The following CTDP1 variants were observed in gnomAD, a reference collection of about 807,000 sequenced individuals.
The protein encoded by CTDP1 is RNA polymerase II subunit A C-terminal domain phosphatase.
In CTDP1, 47 loss-of-function variants were observed where a neutral mutation model predicts 91.8. The ratio of observed to expected loss-of-function variants is 0.51; its 90% CI spans 0.41 to 0.65. The LOEUF (loss-of-function observed/expected upper bound fraction) is 0.65, where lower values mean the gene tolerates loss of function less well. Ranked by LOEUF, CTDP1 falls within the 30% of genes least tolerant of loss-of-function variation. CTDP1 has a pLI of 0.00. For missense variants in CTDP1, 1,272 were observed against 1,373.7 expected (o/e 0.93, Z 1.17); for synonymous variants, 656 against 598.5 (o/e 1.10, Z -1.40).
chr18:79,712,180 C>T (rs2086098859), intron 6 of CTDP1, among the ~76,000 whole-genome samples: 1 of 152,164 alleles, frequency 6.6e-6, no homozygotes, highest in African/African-American at 2.4e-5. Context: ...ATGATAGGAT[C>T]GAATGGGGAC....
intron 12 of CTDP1, among the ~76,000 whole-genome samples, chr18:79,738,356 C>T (rs1377363425): frequency 6.6e-6 from 1 of 152,204 alleles, no homozygotes; most frequent in African/African-American, 2.4e-5. Context: ...CGAGGATTTG[C>T]CCTGAGAACT....
At chr18:79,741,550 G>T (rs576883015) in intron 12 of CTDP1, among the ~76,000 whole-genome samples, 1 of 152,320 alleles carries the variant, frequency 6.6e-6, no homozygotes, top group East Asian at 1.9e-4. Context: ...GGAGATTTTA[G>T]TCCTGGTGCC....
At chr18:79,750,257 C>A (rs2086969380) in intron 12 of CTDP1, among the ~76,000 whole-genome samples, 5 of 151,438 alleles carry the variant, frequency 3.3e-5, no homozygotes, top group Admixed American at 2.0e-4. Flanking sequence ...ATGGCCCAGG[C>A]TCACTGCAGC....
intron 11 of CTDP1, among the ~76,000 whole-genome samples, chr18:79,734,763 T>C (rs1420914801): frequency 6.6e-6 from 1 of 152,260 alleles, no homozygotes; most frequent in Non-Finnish European, 1.5e-5. Flanking sequence ...ATTATTCCCG[T>C]AGGAGATTTG....
At chr18:79,706,081 A>G (rs1406574313) in intron 5 of CTDP1, among the ~76,000 whole-genome samples, 5 of 152,112 alleles carry the variant, frequency 3.3e-5, no homozygotes, top group African/African-American at 1.2e-4. Context: ...GGGGCGTGGG[A>G]GGTGGTGAGG....
chr18:79,695,332 C>A, intron 2 of CTDP1, 24 bp downstream of exon 2: 1 of 1,608,086 alleles, frequency 6.2e-7, no homozygotes, highest in Non-Finnish European at 8.5e-7. Flanking sequence ...AGAGTGAGAT[C>A]GCTGCCTGCT....
chr18:79,684,601 C>G (rs975510248), intron 1 of CTDP1, among the ~76,000 whole-genome samples: 27 of 148,444 alleles, frequency 1.8e-4, no homozygotes, highest in African/African-American at 6.8e-4. Flanking sequence ...GGTCCGTGCC[C>G]TCGTTGCCTG....
chr18:79,707,291 G>A (rs571637967), intron 5 of CTDP1, among the ~76,000 whole-genome samples: 1 of 152,228 alleles, frequency 6.6e-6, no homozygotes, highest in African/African-American at 2.4e-5. Flanking sequence ...GATGAAGCAG[G>A]TGACGAGAAC....
intron 1 of CTDP1, among the ~76,000 whole-genome samples, chr18:79,684,929 C>T (rs931304055): frequency 5.5e-5 from 8 of 144,360 alleles, no homozygotes; most frequent in Admixed American, 1.4e-4. Context: ...GTGAGGAGGA[C>T]GGTGCAGGGA....
chr18:79,713,084 A>T lies in CTDP1; in HGVS notation c.976A>T (p.Thr326Ser), dbSNP rs1318772359. 6.2e-7 allele frequency: 1 copy of T among 1,614,176 alleles called. No individual in the cohort carries two copies. The change falls in exon 7 of 13, where the codon ACG (threonine) becomes TCG (serine). Residue 326 changes from threonine (T) to serine (S), a missense_variant. Coordinates refer to ENST00000613122, the MANE Select transcript of CTDP1 (RefSeq NM_004715.5). This position sits in a 1 kb window ranked among gnomAD's most constrained non-coding sequence, Gnocchi z 4.7. ...GAAGAAATATGTATACTTCCAGGGC[A>T]CGGGTGATATGAATGCGCCCCCTGG... ...TVKKYVYFQG[T>S]GDMNAPPGSR...
At chr18:79,726,871 G>GGA (rs1568206039) in intron 10 of CTDP1, among the ~76,000 whole-genome samples, 5 of 72,414 alleles carry the variant, frequency 6.9e-5, no homozygotes, top group Non-Finnish European at 1.2e-4. Flanking sequence ...TGCTGTGGGG[G>GGA]TGGGGTGACG....
At chr18:79,726,346 A>T (rs1026192190) in intron 10 of CTDP1, among the ~76,000 whole-genome samples, 1 of 151,786 alleles carries the variant, frequency 6.6e-6, no homozygotes, top group Non-Finnish European at 1.5e-5. Flanking sequence ...TTCTTTGCCA[A>T]TCCTTTCTGT....
At chr18:79,746,347 C>G (rs1167742958) in intron 12 of CTDP1, among the ~76,000 whole-genome samples, 2 of 146,058 alleles carry the variant, frequency 1.4e-5, no homozygotes, top group African/African-American at 2.6e-5. Context: ...CGTGCGCGTT[C>G]TGACCCTGCG....
Position 79,753,909 on chromosome 18 carries a change from A to G in CTDP1, c.*119A>G. On this transcript the variant is annotated 3_prime_UTR_variant, in exon 13 of 13. Coordinates refer to ENST00000613122, the MANE Select transcript of CTDP1 (RefSeq NM_004715.5). ...CTTCCCAAAGGACATGTATATTTGC[A>G]GAGCTCCACATACAGAAACACATTA... 6.8e-6 allele frequency: 9 copies of G among 1,326,574 alleles called. No individual in the cohort carries two copies. Among genetic ancestry groups the G allele is most frequent in the Non-Finnish European group, 9.4e-6 (9 of 952,796 alleles). The allele number at this position is 1,326,574 out of a possible 1,614,324, so 82.2% of individuals were successfully genotyped here.
At chr18:79,748,622 T>A (rs953736764) in intron 12 of CTDP1, among the ~76,000 whole-genome samples, 1 of 152,142 alleles carries the variant, frequency 6.6e-6, no homozygotes, top group Non-Finnish European at 1.5e-5. Context: ...CTTGTGAAAA[T>A]CTAAGGAAGA....
At chr18:79,690,603 C>A (rs906516436) in intron 1 of CTDP1, among the ~76,000 whole-genome samples, 1 of 152,170 alleles carries the variant, frequency 6.6e-6, no homozygotes, top group East Asian at 1.9e-4. Context: ...TCTGCAAAGA[C>A]GAAGTGTAGA....
chr18:79,739,217 G>A (rs1165226738), intron 12 of CTDP1, among the ~76,000 whole-genome samples: 2 of 152,156 alleles, frequency 1.3e-5, no homozygotes, highest in African/African-American at 4.8e-5. Context: ...ATTAAAAGAA[G>A]AAACCCAAAG....
intron 12 of CTDP1, among the ~76,000 whole-genome samples, chr18:79,744,128 G>A (rs1287029431): frequency 6.6e-6 from 1 of 152,202 alleles, no homozygotes; most frequent in Non-Finnish European, 1.5e-5. Flanking sequence ...CCTGTGACCT[G>A]GAAGTCCCTC....
intron 5 of CTDP1, among the ~76,000 whole-genome samples, chr18:79,708,472 T>G (rs563329769): frequency 1.3e-5 from 2 of 152,294 alleles, no homozygotes; most frequent in South Asian, 4.1e-4. Context: ...GATCCGGAAG[T>G]GGACCCCGTG....
Sources: gnomAD v4.1 joint callset for allele counts (sites outside exome capture counted in the v4.1 genomes callset) on GRCh38, gnomAD v4.1.1 for gene constraint, Gnocchi (gnomAD v3.1) non-coding constraint, MANE v1.5 for transcripts, NCBI Gene and HGNC (gene_info 2026-07-23, HGNC 2026-07-21) for gene names.